Variants in TXN observed in about 807,000 individuals in gnomAD.
TXN encodes thioredoxin, also known as ADF.
In TXN, 10 loss-of-function variants were observed where a neutral mutation model predicts 16.5. That is an observed-to-expected ratio of 0.61 (90% CI 0.37 to 1.03). The LOEUF (loss-of-function observed/expected upper bound fraction) is 1.03. Among genes scored for constraint, TXN ranks in the 50% least tolerant of loss-of-function variants. TXN has a pLI of 0.01. For missense variants in TXN, 71 were observed against 122.5 expected, an observed-to-expected ratio of 0.58 and a Z score of 1.98; for synonymous variants, 35 against 39.4, an observed-to-expected ratio of 0.89 and a Z score of 0.42.
At chr9:110,247,592 A>C (rs1354201735) in intron 3 of TXN, among the ~76,000 whole-genome samples, 2 of 152,124 alleles carry the variant, frequency 1.3e-5, no homozygotes, top group Non-Finnish European at 1.5e-5. Flanking sequence ...ATTACATACA[A>C]AGTATACCAC....
In TXN at chr9:110,256,493, A is replaced by G. The variant is rs1837813408; in HGVS notation, c.-58T>C. 6.4e-7 allele frequency: 1 copy of G among 1,564,202 alleles called. No homozygotes were observed. Among genetic ancestry groups the G allele is most frequent in the South Asian group, 1.2e-5 (1 of 86,766 alleles). On this transcript the variant is annotated 5_prime_UTR_variant, in exon 1 of 5. Coordinates refer to ENST00000374517, the MANE Select transcript of TXN (RefSeq NM_003329.4). The surrounding 1 kb of genome is among the most constrained non-coding windows in gnomAD (Gnocchi z 4.2). ...GGACCGATGGAAATGGATCCAAAGC[A>G]CCAAACAGAGCTTCAAGACTCGCTG...
intron 1 of TXN, among the ~76,000 whole-genome samples, chr9:110,252,119 G>C (rs1432705890): frequency 6.6e-6 from 1 of 151,106 alleles, no homozygotes; most frequent in Non-Finnish European, 1.5e-5. Context: ...AGCCACTCAG[G>C]AGGCTGAGGC....
intron 3 of TXN, among the ~76,000 whole-genome samples, chr9:110,246,347 A>G (rs1358369032): frequency 1.3e-5 from 2 of 152,198 alleles, no homozygotes; most frequent in African/African-American, 4.8e-5. Context: ...TAATTGAAGT[A>G]ACACACATTC....
At position 110,245,666 on chromosome 9, in the gene TXN, T is replaced by A. The variant is rs1444733140; in HGVS notation, c.190-823A>T. Among the ~76,000 whole-genome samples the A allele has an allele frequency of 1.8e-4, 21 of 115,954 alleles. 2 individuals carry two copies. In the East Asian group the frequency reaches 4.1e-3, roughly 23 times the overall value. The allele number at this position is 115,954 out of a possible 152,430, so 76.1% of individuals were successfully genotyped here. ...TATATATATATATATTTTTTTTTTT[T>A]TTTTTTTATAGGGACAAGGTCTCTC... is the stretch of plus-strand genomic sequence containing the variant. On this transcript the variant is annotated intron_variant, in intron 3 of 4. Coordinates refer to ENST00000374517, the MANE Select transcript of TXN (RefSeq NM_003329.4).
At chr9:110,246,355 T>G (rs543781887) in intron 3 of TXN, among the ~76,000 whole-genome samples, 19 of 152,282 alleles carry the variant, frequency 1.2e-4, no homozygotes, top group African/African-American at 4.6e-4. Flanking sequence ...GTAACACACA[T>G]TCCTCAACTG....
At chr9:110,247,935 G>T (rs867805652) in intron 3 of TXN, among the ~76,000 whole-genome samples, 3 of 152,258 alleles carry the variant, frequency 2.0e-5, no homozygotes, top group Middle Eastern at 3.4e-3. Context: ...AAGATGTGGG[G>T]ATGGGAGACA....
At chr9:110,252,842 G>T (rs561045139) in intron 1 of TXN, among the ~76,000 whole-genome samples, 1 of 151,826 alleles carries the variant, frequency 6.6e-6, no homozygotes, top group Admixed American at 6.6e-5. Flanking sequence ...ACAGAGTTTC[G>T]CCATGTTGAC....
chr9:110,248,234 A>G (rs190521839), intron 3 of TXN, among the ~76,000 whole-genome samples: 3 of 152,360 alleles, frequency 2.0e-5, no homozygotes, highest in Non-Finnish European at 4.4e-5. Flanking sequence ...CAGTGTTTAT[A>G]ACGTCTACAG....
intron 3 of TXN, 113 bp from the exon 4 acceptor site, chr9:110,244,956 C>T (rs186874036): frequency 1.0e-4 from 72 of 695,164 alleles, no homozygotes; most frequent in African/African-American, 8.3e-4. Context: ...CCCACATTTC[C>T]GCATGAGGAC....
chr9:110,253,685 C>T (rs553547853), intron 1 of TXN, among the ~76,000 whole-genome samples: 3 of 152,236 alleles, frequency 2.0e-5, no homozygotes, highest in South Asian at 2.1e-4. Flanking sequence ...AAAAGAGGCA[C>T]GCAACAATAA....
At chr9:110,247,969 G>C (rs926870026) in intron 3 of TXN, among the ~76,000 whole-genome samples, 1 of 152,096 alleles carries the variant, frequency 6.6e-6, no homozygotes, top group Non-Finnish European at 1.5e-5. Flanking sequence ...TCCTGACCCT[G>C]TGTTGGTCTA....
intron 3 of TXN, among the ~76,000 whole-genome samples, chr9:110,246,827 T>G (rs1837665896): frequency 6.6e-6 from 1 of 152,212 alleles, no homozygotes; most frequent in African/African-American, 2.4e-5. Flanking sequence ...GTTTATTGAA[T>G]GCATACTATT....
At chr9:110,255,602 T>C (rs372135469) in intron 1 of TXN, among the ~76,000 whole-genome samples, 1 of 152,110 alleles carries the variant, frequency 6.6e-6, no homozygotes, top group South Asian at 2.1e-4. Flanking sequence ...GGGCCCAACC[T>C]TGGGGACTCA....
chr9:110,254,315 G>A (rs1325625422), intron 1 of TXN, among the ~76,000 whole-genome samples: 1 of 152,236 alleles, frequency 6.6e-6, no homozygotes, highest in Admixed American at 6.5e-5. Context: ...GAAGTCAGGA[G>A]TTCGAGACAA....
intron 3 of TXN, among the ~76,000 whole-genome samples, chr9:110,245,650 A>ATT (rs1230575444): frequency 1.1e-3 from 27 of 24,640 alleles, no homozygotes; most frequent in African/African-American, 5.1e-3. Context: ...ATATATATAT[A>ATT]TATATTTTTT....
chr9:110,251,104 A>C (rs1380890399), intron 2 of TXN, among the ~76,000 whole-genome samples: 1 of 152,186 alleles, frequency 6.6e-6, no homozygotes, highest in African/African-American at 2.4e-5. Context: ...TGGGATTTCA[A>C]ATAAGGCCCA....
At chr9:110,253,276 T>C (rs1429690754) in intron 1 of TXN, among the ~76,000 whole-genome samples, 1 of 152,128 alleles carries the variant, frequency 6.6e-6, no homozygotes, top group Non-Finnish European at 1.5e-5. Context: ...CTGAGAAAGG[T>C]AGGACAACAC....
At position 110,244,855 on chromosome 9, in the gene TXN, A is replaced by C. The variant is rs1837626748; in HGVS notation, c.190-12T>G. ...TCTGAAGCAACATCCTGGTAGGGAAAGTAGCAAAGGGAGAGGATTAAATAC... is the reference window on the plus strand; with the variant it reads ...TCTGAAGCAACATCCTGGTAGGGAACGTAGCAAAGGGAGAGGATTAAATAC... On this transcript the variant is annotated splice_polypyrimidine_tract_variant and intron_variant, in intron 3 of 4. Transcript: ENST00000374517. 6.2e-7 allele frequency: 1 copy of C among 1,610,716 alleles called. No individual in the cohort carries two copies. Among genetic ancestry groups the C allele is most frequent in the Non-Finnish European group, 8.5e-7 (1 of 1,177,306 alleles).
chr9:110,248,685 T>A (rs192456712), intron 3 of TXN, among the ~76,000 whole-genome samples: 1 of 152,200 alleles, frequency 6.6e-6, no homozygotes, highest in African/African-American at 2.4e-5. Flanking sequence ...CTCAAGAGAC[T>A]GACTTTACCT....
Sources: gnomAD v4.1 joint callset for allele counts (sites outside exome capture counted in the v4.1 genomes callset) on GRCh38, gnomAD v4.1.1 for gene constraint, Gnocchi (gnomAD v3.1) non-coding constraint, MANE v1.5 for transcripts, NCBI Gene and HGNC (gene_info 2026-07-23, HGNC 2026-07-21) for gene names.